Variants in TMEM132D observed in about 807,000 individuals in gnomAD.
TMEM132D encodes mature OL transmembrane protein.
TMEM132D carries 21 observed loss-of-function variants against 62.3 expected under a neutral mutation model. That is an observed-to-expected ratio of 0.34 (90% CI 0.24 to 0.49). The LOEUF (loss-of-function observed/expected upper bound fraction) is 0.49. TMEM132D is among the 20% of genes least tolerant of loss of function. The pLI is 0.99. For missense variants in TMEM132D, 1,346 were observed against 1,402.8 expected, an observed-to-expected ratio of 0.96 and a Z score of 0.65; for synonymous variants, 621 against 575.6, an observed-to-expected ratio of 1.08 and a Z score of -1.13.
At chr12:129,781,006 G>A (rs1366172773) in intron 1 of TMEM132D, among the ~76,000 whole-genome samples, 1 of 152,176 alleles carries the variant, frequency 6.6e-6, no homozygotes, top group Non-Finnish European at 1.5e-5. Context: ...CCCTGCTGGG[G>A]GGTGACAGCA....
intron 3 of TMEM132D, among the ~76,000 whole-genome samples, chr12:129,519,933 A>G (rs1230566111): frequency 1.3e-5 from 2 of 152,192 alleles, no homozygotes; most frequent in South Asian, 2.1e-4. Context: ...TAAAGGTATC[A>G]AGGAAACAAC....
intron 2 of TMEM132D, among the ~76,000 whole-genome samples, chr12:129,647,660 G>T (rs1163895974): frequency 6.6e-6 from 1 of 152,172 alleles, no homozygotes; most frequent in Non-Finnish European, 1.5e-5. Context: ...GTATTTCCCT[G>T]ATTACTGGAG....
chr12:129,497,139 C>G (rs1183432610), intron 3 of TMEM132D, among the ~76,000 whole-genome samples: 1 of 152,082 alleles, frequency 6.6e-6, no homozygotes, highest in Non-Finnish European at 1.5e-5. Context: ...GAAACCCCGT[C>G]TCTGCTAAAA....
At chr12:129,695,870 G>T (rs1369852541) in intron 2 of TMEM132D, among the ~76,000 whole-genome samples, 1 of 152,202 alleles carries the variant, frequency 6.6e-6, no homozygotes, top group African/African-American at 2.4e-5. Context: ...ATCAGAATCT[G>T]CATGGCCAAG....
intron 4 of TMEM132D, among the ~76,000 whole-genome samples, chr12:129,283,822 G>A (rs986977452): frequency 2.6e-5 from 4 of 152,182 alleles, no homozygotes; most frequent in African/African-American, 9.7e-5. Flanking sequence ...GTGGAAGTGA[G>A]CCTCCAAAGA....
At chr12:129,389,950 T>C (rs1213296974) in intron 3 of TMEM132D, among the ~76,000 whole-genome samples, 3 of 152,238 alleles carry the variant, frequency 2.0e-5, no homozygotes, top group Non-Finnish European at 4.4e-5. Context: ...ACGGGCAGTT[T>C]GAGCTGTGCC....
At chr12:129,279,172 G>A (rs550113967) in intron 4 of TMEM132D, among the ~76,000 whole-genome samples, 4 of 152,308 alleles carry the variant, frequency 2.6e-5, no homozygotes, top group South Asian at 4.1e-4. Flanking sequence ...TCATGGGACG[G>A]CAGTCTGCAG....
At chr12:129,619,117 G>A (rs1311352301) in intron 2 of TMEM132D, among the ~76,000 whole-genome samples, 2 of 152,124 alleles carry the variant, frequency 1.3e-5, no homozygotes, top group Middle Eastern at 3.2e-3. Flanking sequence ...TCAGACTTAA[G>A]GTCAGAGTTG....
intron 4 of TMEM132D, among the ~76,000 whole-genome samples, chr12:129,301,755 T>C (rs545691866): frequency 3.3e-5 from 5 of 152,238 alleles, no homozygotes; most frequent in Non-Finnish European, 7.4e-5. Context: ...GGTCATTGTC[T>C]CCACTTACAA....
chr12:129,235,502 T>C (rs1432771378), intron 4 of TMEM132D, among the ~76,000 whole-genome samples: 1 of 152,156 alleles, frequency 6.6e-6, no homozygotes, highest in African/African-American at 2.4e-5. Context: ...ACGATGATGT[T>C]GAGATTAATC....
chr12:129,456,628 A>T (rs1873476087), intron 3 of TMEM132D, among the ~76,000 whole-genome samples: 1 of 152,160 alleles, frequency 6.6e-6, no homozygotes, highest in African/African-American at 2.4e-5. Context: ...AAGTGGCCAA[A>T]TCACCAAGCC....
At chr12:129,421,610 T>C (rs73426660) in intron 3 of TMEM132D, among the ~76,000 whole-genome samples, 5,809 of 152,290 alleles carry the variant, frequency 0.038, 384 homozygotes, top group African/African-American at 0.13. Flanking sequence ...CCTGAATCAA[T>C]AGATTTTCTA....
At chr12:129,695,970 A>C (rs1346692841) in intron 2 of TMEM132D, among the ~76,000 whole-genome samples, 5 of 152,166 alleles carry the variant, frequency 3.3e-5, no homozygotes, top group Non-Finnish European at 5.9e-5. Context: ...TGCAACTTAG[A>C]ATATCACTGG....
chr12:129,813,302 C>A (rs1565994962), intron 1 of TMEM132D, among the ~76,000 whole-genome samples: 1 of 151,924 alleles, frequency 6.6e-6, no homozygotes, highest in African/African-American at 2.4e-5. Flanking sequence ...ACACACTTCA[C>A]AACTGTCAGT....
rs371347630 is a variant in TMEM132D, at chr12:129,189,402, TG to T, written c.1443+20117del. Among the ~76,000 whole-genome samples, 360 of 152,258 alleles carry T rather than the reference TG, an allele frequency of 2.4e-3. 4 individuals are homozygous for T. Among genetic ancestry groups the T allele is most frequent in the African/African-American group, 8.3e-3 (344 of 41,514 alleles). On this transcript the variant is annotated intron_variant, in intron 5 of 8. Coordinates refer to ENST00000422113, the MANE Select transcript of TMEM132D (RefSeq NM_133448.3). Reference sequence around the variant, plus strand: ...CCCTGGGAAGTAAGGAAGATGGACCTGGCTCAGGCCTCAGAATCAGGGCCAA... The same window carrying T: ...CCCTGGGAAGTAAGGAAGATGGACCTGCTCAGGCCTCAGAATCAGGGCCAA...
intron 1 of TMEM132D, among the ~76,000 whole-genome samples, chr12:129,717,648 T>A (rs537012596): frequency 6.7e-6 from 1 of 150,310 alleles, no homozygotes; most frequent in Admixed American, 6.6e-5. Context: ...TGTGATTCAA[T>A]GTCTCCCTGG....
chr12:129,406,697 TAAAGAGATAACAGA>T (rs1412400790), intron 3 of TMEM132D, among the ~76,000 whole-genome samples: 1 of 151,976 alleles, frequency 6.6e-6, no homozygotes, highest in Non-Finnish European at 1.5e-5. Flanking sequence ...GGACTTTCAC[TAAAGAGATAACAGA>T]AAATGGGCTA....
intron 2 of TMEM132D, among the ~76,000 whole-genome samples, chr12:129,599,799 A>T (rs1878438177): frequency 6.6e-6 from 1 of 152,196 alleles, no homozygotes; most frequent in Non-Finnish European, 1.5e-5. Context: ...CATTATGTCT[A>T]AAAAAACTAT....
intron 3 of TMEM132D, among the ~76,000 whole-genome samples, chr12:129,484,441 C>A (rs1003908346): frequency 6.6e-6 from 1 of 152,168 alleles, no homozygotes; most frequent in African/African-American, 2.4e-5. Flanking sequence ...TATTTTTGCT[C>A]AGCAATTTTG....
Sources: gnomAD v4.1 joint callset for allele counts (sites outside exome capture counted in the v4.1 genomes callset) on GRCh38, gnomAD v4.1.1 for gene constraint, MANE v1.5 for transcripts, NCBI Gene and HGNC (gene_info 2026-07-23, HGNC 2026-07-21) for gene names.